Variants in ABLIM1 observed in about 807,000 individuals in gnomAD.
The protein encoded by ABLIM1 is actin-binding LIM protein 1.
Under a neutral mutation model 107.0 loss-of-function variants are expected in ABLIM1, and 40 were observed. The ratio of observed to expected loss-of-function variants is 0.37; its 90% CI spans 0.29 to 0.49. ABLIM1 has a LOEUF of 0.49. Among genes scored for constraint, ABLIM1 ranks in the 20% least tolerant of loss-of-function variants. ABLIM1 has a pLI of 0.97. For missense variants in ABLIM1, 857 were observed against 1,008.5 expected, an observed-to-expected ratio of 0.85 and a Z score of 2.04; for synonymous variants, 357 against 357.3, an observed-to-expected ratio of 1.00 and a Z score of 0.01.
At chr10:114,587,548 T>C (rs2074329751) in intron 2 of ABLIM1, among the ~76,000 whole-genome samples, 1 of 152,198 alleles carries the variant, frequency 6.6e-6, no homozygotes, top group Admixed American at 6.5e-5. Flanking sequence ...AATGTTATTC[T>C]AATTAATGTT....
the ABLIM1 span, among the ~76,000 whole-genome samples, chr10:114,791,927 G>A: frequency 6.6e-6 from 1 of 152,140 alleles, no homozygotes; most frequent in African/African-American, 2.4e-5. Flanking sequence ...CCATGTGCCT[G>A]GCACTGTCTC....
intron 1 of ABLIM1, among the ~76,000 whole-genome samples, chr10:114,654,822 G>A (rs986065051): frequency 6.6e-6 from 1 of 152,200 alleles, no homozygotes; most frequent in African/African-American, 2.4e-5. Flanking sequence ...ACTGTGCAAG[G>A]GGTTGGCCAG....
chr10:114,554,900 A>G (rs893198294), intron 4 of ABLIM1, among the ~76,000 whole-genome samples: 2 of 152,152 alleles, frequency 1.3e-5, no homozygotes, highest in Admixed American at 6.5e-5. Context: ...CACTGAACAG[A>G]GGGACCCTGG....
At chr10:114,783,320 AAGAG>A in the ABLIM1 span, among the ~76,000 whole-genome samples, 946 of 152,076 alleles carry the variant, frequency 6.2e-3, 16 homozygotes, top group African/African-American at 0.021. Context: ...AAAAAAATAA[AAGAG>A]AGAGAAAAAG....
intron 1 of ABLIM1, among the ~76,000 whole-genome samples, chr10:114,643,955 G>A (rs77134636): frequency 0.03 from 4,508 of 151,452 alleles, 233 homozygotes; most frequent in African/African-American, 0.1. Context: ...TGTTTCTTTC[G>A]GACAGACTGA....
chr10:114,637,860 AT>A (rs1246570516), intron 1 of ABLIM1, among the ~76,000 whole-genome samples: 1 of 152,246 alleles, frequency 6.6e-6, no homozygotes, highest in Non-Finnish European at 1.5e-5. Flanking sequence ...GGAAAAGGCC[AT>A]TTTTAAAAAC....
At chr10:114,783,989 G>A in the ABLIM1 span, among the ~76,000 whole-genome samples, 1 of 152,032 alleles carries the variant, frequency 6.6e-6, no homozygotes, top group East Asian at 1.9e-4. Flanking sequence ...AATGGGGACA[G>A]AAGCCAGATT....
chr10:114,474,796 G>A (rs1042612273), intron 8 of ABLIM1, among the ~76,000 whole-genome samples: 17 of 152,146 alleles, frequency 1.1e-4, no homozygotes, highest in South Asian at 8.3e-4. Flanking sequence ...TAATCCCCAC[G>A]TGTCAAGGAT....
intron 2 of ABLIM1, among the ~76,000 whole-genome samples, chr10:114,599,411 G>A (rs1365854423): frequency 6.6e-6 from 1 of 152,148 alleles, no homozygotes. Context: ...TTCAAATACC[G>A]TGATGTGTTG....
intron 1 of ABLIM1, among the ~76,000 whole-genome samples, chr10:114,731,770 C>A (rs1252201763): frequency 6.6e-6 from 1 of 151,988 alleles, no homozygotes; most frequent in East Asian, 1.9e-4. Context: ...CCACCACACC[C>A]AGCTAATTTT....
intron 2 of ABLIM1, among the ~76,000 whole-genome samples, chr10:114,586,401 T>A (rs950725985): frequency 6.6e-6 from 1 of 152,104 alleles, no homozygotes; most frequent in South Asian, 2.1e-4. Flanking sequence ...GAAACTAGAA[T>A]GGGATCACAG....
intron 2 of ABLIM1, among the ~76,000 whole-genome samples, chr10:114,584,728 G>A (rs1278125121): frequency 6.6e-6 from 1 of 152,148 alleles, no homozygotes. Context: ...TATCATTTCT[G>A]GGAAAGATGA....
At chr10:114,558,245 G>A (rs1440991588) in intron 4 of ABLIM1, among the ~76,000 whole-genome samples, 1 of 152,020 alleles carries the variant, frequency 6.6e-6, no homozygotes, top group African/African-American at 2.4e-5. Flanking sequence ...GATGTGAACA[G>A]GAAACTAAAA....
At chr10:114,665,500 T>C (rs1316739044) in intron 1 of ABLIM1, among the ~76,000 whole-genome samples, 4 of 152,192 alleles carry the variant, frequency 2.6e-5, no homozygotes, top group African/African-American at 9.7e-5. Flanking sequence ...TCAAAGGACA[T>C]GGAGAAGCTC....
chr10:114,691,016 T>A (rs994740895), intron 1 of ABLIM1, among the ~76,000 whole-genome samples: 2 of 152,234 alleles, frequency 1.3e-5, no homozygotes, highest in Non-Finnish European at 2.9e-5. Context: ...ATTCTGACTA[T>A]AGTAAACATT....
chr10:114,583,267 AT>A (rs988090403), intron 2 of ABLIM1, among the ~76,000 whole-genome samples: 16 of 151,092 alleles, frequency 1.1e-4, no homozygotes, highest in African/African-American at 3.9e-4. Context: ...AACATCACTA[AT>A]CATCAGAGAA....
intron 1 of ABLIM1, among the ~76,000 whole-genome samples, chr10:114,607,649 A>G (rs1334467406): frequency 6.6e-6 from 1 of 152,172 alleles, no homozygotes; most frequent in Non-Finnish European, 1.5e-5. Flanking sequence ...CCTTCCAAAA[A>G]CAAAACAAAA....
chr10:114,515,338 A>G (rs941852), intron 6 of ABLIM1, among the ~76,000 whole-genome samples: 27,058 of 152,062 alleles, frequency 0.18, 3,075 homozygotes, highest in East Asian at 0.57. Context: ...AATGGTCTAG[A>G]GCTGGAGAGG....
At chr10:114,596,027 T>C (rs562208516) in intron 2 of ABLIM1, among the ~76,000 whole-genome samples, 34 of 152,340 alleles carry the variant, frequency 2.2e-4, no homozygotes, top group African/African-American at 7.9e-4. Flanking sequence ...CTATATTTTC[T>C]TAGTTGGTGG....
Sources: allele counts gnomAD v4.1 joint callset (sites outside exome capture counted in the v4.1 genomes callset), GRCh38; gene constraint gnomAD v4.1.1; transcripts MANE v1.5; gene names NCBI Gene and HGNC (gene_info 2026-07-23, HGNC 2026-07-21).